ZBTB20: variants seen among roughly 807,000 people sequenced by gnomAD.
ZBTB20 encodes the protein zinc finger and BTB domain containing 20.
In ZBTB20, 9 loss-of-function variants were observed where a neutral mutation model predicts 56.9. The ratio of observed to expected loss-of-function variants is 0.16; its 90% CI spans 0.10 to 0.28. ZBTB20 has a LOEUF of 0.28. Among genes scored for constraint, ZBTB20 ranks in the 10% least tolerant of loss-of-function variants. The probability of loss-of-function intolerance (pLI) is 1.00; values close to 1 mark genes in which losing one functional copy is unlikely to be tolerated. For missense variants in ZBTB20, 655 were observed against 1,003.0 expected, an observed-to-expected ratio of 0.65 and a Z score of 4.69; for synonymous variants, 417 against 420.7, an observed-to-expected ratio of 0.99 and a Z score of 0.11.
intron 2 of ZBTB20, among the ~76,000 whole-genome samples, chr3:115,070,659 G>T (rs1174510330): frequency 6.6e-6 from 1 of 152,044 alleles, no homozygotes; most frequent in African/African-American, 2.4e-5. Context: ...CACTAGAAAA[G>T]TAATACATTC....
chr3:115,097,108 G>T (rs190840012), intron 1 of ZBTB20, among the ~76,000 whole-genome samples: 2 of 150,494 alleles, frequency 1.3e-5, no homozygotes, highest in East Asian at 3.9e-4. Flanking sequence ...AGTTAAAAAA[G>T]AAGAAAAAGT....
intron 6 of ZBTB20, among the ~76,000 whole-genome samples, chr3:114,679,475 A>G (rs1264905818): frequency 1.3e-5 from 2 of 152,196 alleles, no homozygotes; most frequent in Non-Finnish European, 2.9e-5. Context: ...GTGGGCAAAG[A>G]TATGAACAGA....
At chr3:114,930,627 G>T in intron 3 of ZBTB20, 1 of 166,418 alleles carries the variant, frequency 6.0e-6, no homozygotes, top group Non-Finnish European at 1.3e-5. Context: ...AGTGGCAAGG[G>T]CGACCTCACA....
chr3:114,733,387 G>A (rs1003004543), intron 5 of ZBTB20, among the ~76,000 whole-genome samples: 7 of 152,100 alleles, frequency 4.6e-5, no homozygotes, highest in African/African-American at 7.2e-5. Flanking sequence ...TTCTAGTTCC[G>A]GTTGCTCTAA....
At chr3:114,764,812 T>A (rs2068676404) in intron 5 of ZBTB20, among the ~76,000 whole-genome samples, 1 of 152,152 alleles carries the variant, frequency 6.6e-6, no homozygotes, top group African/African-American at 2.4e-5. Context: ...TTATCTCAAG[T>A]TAACATAGTC....
chr3:114,826,337 G>T (rs1579043367), intron 4 of ZBTB20, among the ~76,000 whole-genome samples: 1 of 151,452 alleles, frequency 6.6e-6, no homozygotes, highest in African/African-American at 2.4e-5. Flanking sequence ...AAGACATCAG[G>T]CTGTAATCTC....
intron 6 of ZBTB20, among the ~76,000 whole-genome samples, chr3:114,515,105 A>G (rs2045838290): frequency 6.6e-6 from 1 of 152,144 alleles, no homozygotes; most frequent in Admixed American, 6.6e-5. Flanking sequence ...TGTTCATTCT[A>G]CTTTCTGCAT....
intron 2 of ZBTB20, among the ~76,000 whole-genome samples, chr3:114,982,984 A>G (rs2078391456): frequency 6.6e-6 from 1 of 151,978 alleles, no homozygotes; most frequent in African/African-American, 2.4e-5. Context: ...CACCATAATA[A>G]AACAAATATT....
chr3:114,615,720 G>A (rs1387727987), intron 6 of ZBTB20, among the ~76,000 whole-genome samples: 1 of 152,154 alleles, frequency 6.6e-6, no homozygotes, highest in East Asian at 1.9e-4. Flanking sequence ...ACAGCTTATC[G>A]CCTCAGCCTC....
chr3:114,822,943 GA>G (rs2073336014), intron 4 of ZBTB20, among the ~76,000 whole-genome samples: 3 of 152,018 alleles, frequency 2.0e-5, no homozygotes, highest in African/African-American at 7.2e-5. Context: ...TATATCAAAA[GA>G]AAAAATATTG....
chr3:114,788,009 T>C (rs1021760732), intron 5 of ZBTB20, among the ~76,000 whole-genome samples: 2 of 152,158 alleles, frequency 1.3e-5, no homozygotes, highest in African/African-American at 4.8e-5. Flanking sequence ...ACACTAGTAT[T>C]TGAATTTTGT....
intron 6 of ZBTB20, among the ~76,000 whole-genome samples, chr3:114,602,452 T>C (rs1331202319): frequency 6.6e-6 from 1 of 152,036 alleles, no homozygotes; most frequent in Non-Finnish European, 1.5e-5. Flanking sequence ...CTGTTTAGGA[T>C]TCTTTGATAG....
At chr3:114,726,707 TCA>T (rs1325501241) in intron 5 of ZBTB20, among the ~76,000 whole-genome samples, 9 of 151,864 alleles carry the variant, frequency 5.9e-5, no homozygotes, top group Admixed American at 5.2e-4. Context: ...GGTCAGGAAA[TCA>T]TGATCATCCT....
intron 2 of ZBTB20, among the ~76,000 whole-genome samples, chr3:114,996,580 GC>G (rs1406952748): frequency 6.6e-6 from 1 of 151,886 alleles, no homozygotes; most frequent in African/African-American, 2.4e-5. Context: ...GTGTATATGT[GC>G]CACATTTTCT....
At chr3:114,690,242 A>G (rs1192586979) in intron 6 of ZBTB20, among the ~76,000 whole-genome samples, 2 of 152,010 alleles carry the variant, frequency 1.3e-5, no homozygotes, top group Admixed American at 1.3e-4. Context: ...TTTCTTCCCC[A>G]AGGGTTAGGC....
intron 2 of ZBTB20, among the ~76,000 whole-genome samples, chr3:115,036,969 A>C: frequency 6.6e-6 from 1 of 152,222 alleles, no homozygotes; most frequent in Non-Finnish European, 1.5e-5. Flanking sequence ...GAGGAAGCTT[A>C]CAATGAAACT....
intron 2 of ZBTB20, among the ~76,000 whole-genome samples, chr3:115,044,643 C>A (rs542830774): frequency 6.6e-6 from 1 of 152,296 alleles, no homozygotes; most frequent in Admixed American, 6.5e-5. Flanking sequence ...TTAAAACATA[C>A]CAATGCCAGA....
rs1384305136 is a variant in ZBTB20, at chr3:114,939,785, G to A, written c.-456+34581C>T. Among the ~76,000 whole-genome samples the A allele has an allele frequency of 4.8e-5, 7 of 145,812 alleles. 1 individual carries two copies. Among genetic ancestry groups the A allele is most frequent in the African/African-American group, 1.4e-4 (5 of 35,584 alleles). ...GGAGGCCCAGCCAGGAGGATTACTC[G>A]ATGAGCCCAGAGTTCAAGGCTGTAG... On this transcript the variant is annotated intron_variant, in intron 3 of 11. Transcript: ENST00000675478.
intron 11 of ZBTB20, among the ~76,000 whole-genome samples, chr3:114,343,901 T>C (rs1455370133): frequency 6.6e-6 from 1 of 152,006 alleles, no homozygotes; most frequent in Non-Finnish European, 1.5e-5. Context: ...TACAAAAAAT[T>C]AGCTGGGCAT....
Sources: allele counts gnomAD v4.1 joint callset (sites outside exome capture counted in the v4.1 genomes callset), GRCh38; gene constraint gnomAD v4.1.1; transcripts MANE v1.5; gene names NCBI Gene and HGNC (gene_info 2026-07-23, HGNC 2026-07-21).